Variants in SLC1A7 observed in about 807,000 individuals in gnomAD.
SLC1A7 encodes solute carrier family 1 member 7.
A neutral mutation model predicts 47.7 loss-of-function variants in SLC1A7; 40 were observed. That is an observed-to-expected ratio of 0.84 (90% CI 0.65 to 1.09). The LOEUF (loss-of-function observed/expected upper bound fraction) is 1.09, where lower values mean the gene tolerates loss of function less well. Among genes scored for constraint, SLC1A7 ranks in the 50% least tolerant of loss-of-function variants. The pLI, the probability that SLC1A7 is intolerant of heterozygous loss-of-function variation, is 0.00. For synonymous variants in SLC1A7, 323 were observed against 325.6 expected, an observed-to-expected ratio of 0.99 and a Z score of 0.09; for missense variants, 746 against 769.5, an observed-to-expected ratio of 0.97 and a Z score of 0.36.
At chr1:53,133,470 C>T (rs1306283993) in intron 2 of SLC1A7, among the ~76,000 whole-genome samples, 4 of 152,228 alleles carry the variant, frequency 2.6e-5, no homozygotes, top group Non-Finnish European at 4.4e-5. Context: ...TGGCTCACTG[C>T]TCAGCAGCAG....
Position 53,122,544 on chromosome 1 carries a change from A to G in SLC1A7, c.216-7571T>C, listed in dbSNP as rs540612320. On this transcript the variant is annotated intron_variant, in intron 2 of 10. Coordinates refer to ENST00000371494, the MANE Select transcript of SLC1A7 (RefSeq NM_006671.6). ...ACAGCTGACAGCCAGTGCCATGCCC[A>G]TTAGCGCCAGCTCCAAGTCATGCTT... is the stretch of plus-strand genomic sequence containing the variant. Among the ~76,000 whole-genome samples the G allele has an allele frequency of 4.6e-5, 7 of 152,286 alleles. No homozygotes were observed. The South Asian group carries it at 1.2e-3, about 27-fold the overall frequency.
rs1385868661 is a variant in SLC1A7, at chr1:53,087,384, A to T, written c.*625T>A. ...CCTATTCCATGGGAGGTTGGCCTGG[A>T]TGTGTCAAGGGGGCCTTTCAGCTCT... On this transcript the variant is annotated 3_prime_UTR_variant, in exon 11 of 11. Coordinates refer to ENST00000371494, the MANE Select transcript of SLC1A7 (RefSeq NM_006671.6). The T allele has an allele frequency of 6.6e-6, 1 of 152,162 alleles. No homozygotes were observed. Among genetic ancestry groups the T allele is most frequent in the African/African-American group, 2.4e-5 (1 of 41,446 alleles). 9.4% of individuals were successfully genotyped at this position (152,162 alleles called of 1,614,324 possible).
intron 3 of SLC1A7, among the ~76,000 whole-genome samples, chr1:53,110,425 G>T (rs937427210): frequency 2.6e-5 from 4 of 152,156 alleles, no homozygotes; most frequent in African/African-American, 9.7e-5. Flanking sequence ...CTTGCCTCTG[G>T]GTTGAGAGCG....
At position 53,098,651 on chromosome 1, in the gene SLC1A7, C is replaced by T. The variant is rs143761052; in HGVS notation, c.697+4695G>A. On this transcript the variant is annotated intron_variant, in intron 5 of 10. Transcript: ENST00000371494. ...CTCAGTACGTTCACACACACCACCT[C>T]GGTACACTCACTCTGCCTGAGTACA... Among the ~76,000 whole-genome samples the T allele has an allele frequency of 6.6e-5, 10 of 150,454 alleles. No individual in the cohort carries two copies. The East Asian group carries it at 8.0e-4, about 12-fold the overall frequency.
Position 53,095,427 on chromosome 1 carries a change from TGCCTTGGTACACTCACACACCCC to T in SLC1A7, c.698-1890_698-1868del, listed in dbSNP as rs1339880325. 9.3e-5 allele frequency among the ~76,000 whole-genome samples: 14 copies of T among 151,332 alleles called. No individual in the cohort carries two copies. The East Asian group carries it at 2.1e-3, about 23-fold the overall frequency. ...CCTGCCTTGGTACACTCACACACCC[TGCCTTGGTACACTCACACACCCC>T]GCCTTGGTACACTCACACACCTTGC... On this transcript the variant is annotated intron_variant, in intron 5 of 10. Coordinates refer to ENST00000371494, the MANE Select transcript of SLC1A7 (RefSeq NM_006671.6).
intron 1 of SLC1A7, among the ~76,000 whole-genome samples, chr1:53,136,617 T>TAGAC (rs1422496982): frequency 7.5e-6 from 1 of 134,070 alleles, no homozygotes; most frequent in African/African-American, 2.8e-5. Flanking sequence ...ATATAATATA[T>TAGAC]ATAAACATAT....
At chr1:53,139,417 G>T (rs1645033737) in intron 1 of SLC1A7, among the ~76,000 whole-genome samples, 1 of 147,796 alleles carries the variant, frequency 6.8e-6, no homozygotes, top group Admixed American at 6.7e-5. Context: ...CCTCAGCATG[G>T]CCCTCTCCCC....
intron 3 of SLC1A7, among the ~76,000 whole-genome samples, chr1:53,109,643 A>G (rs1481650677): frequency 6.6e-6 from 1 of 151,990 alleles, no homozygotes; most frequent in Admixed American, 6.5e-5. Context: ...CCTGGTCATC[A>G]GTGTTTTTGT....
At chr1:53,139,462 C>CA (rs750600362) in intron 1 of SLC1A7, among the ~76,000 whole-genome samples, 53 of 152,232 alleles carry the variant, frequency 3.5e-4, no homozygotes, top group Non-Finnish European at 7.1e-4. Flanking sequence ...CCCTCAAGTC[C>CA]AGCTTCTCTG....
intron 3 of SLC1A7, among the ~76,000 whole-genome samples, chr1:53,107,593 G>A (rs1005819010): frequency 5.3e-5 from 8 of 152,212 alleles, no homozygotes. Flanking sequence ...AAGACAGATT[G>A]CAATACAAAT....
rs200606407 is a variant in SLC1A7 at position 53,089,864 on chromosome 1, C to T, written c.1297G>A (p.Val433Met). ...GTGGGCAGTCCCACGGAGGTGAGCA[C>T]GATGACCATGGTGACGAGGCCGGCC... ...PQAGLVTMVIVLTSVGLPTDD... is the reference protein window; with the variant it reads ...PQAGLVTMVIMLTSVGLPTDD... The change falls in exon 9 of 11, where the codon GTG becomes ATG. Residue 433 changes from valine (V) to methionine (M), a missense_variant. Physicochemically the swap from Val to Met is conservative, Grantham distance 21 (BLOSUM62 1). Coordinates refer to ENST00000371494, the MANE Select transcript of SLC1A7 (RefSeq NM_006671.6). 1.0e-4 allele frequency: 164 copies of T among 1,613,772 alleles called. No individual in the cohort carries two copies. The highest frequency in any genetic ancestry group is 6.6e-4 in the South Asian group (60 of 91,064).
chr1:53,134,684 C>G (rs1192112283), intron 1 of SLC1A7, among the ~76,000 whole-genome samples: 1 of 152,168 alleles, frequency 6.6e-6, no homozygotes, highest in East Asian at 1.9e-4. Context: ...TTGTATTTTT[C>G]TCATCTGTAA....
At chr1:53,125,432 G>A (rs1464531581) in intron 2 of SLC1A7, among the ~76,000 whole-genome samples, 1 of 152,146 alleles carries the variant, frequency 6.6e-6, no homozygotes, top group South Asian at 2.1e-4. Flanking sequence ...GGAAAACTGT[G>A]CCCATTTGCA....
At position 53,116,781 on chromosome 1, in the gene SLC1A7, G is replaced by A. The variant is rs111606089; in HGVS notation, c.216-1808C>T. ...GAGGTCACACAGGACAGCAGTGCCCGGCTGGGCCAGAACTCAGGGCCAGAC... is the reference window on the plus strand; with the variant it reads ...GAGGTCACACAGGACAGCAGTGCCCAGCTGGGCCAGAACTCAGGGCCAGAC... On this transcript the variant is annotated intron_variant, in intron 2 of 10. Transcript: ENST00000371494. 1.5e-4 allele frequency among the ~76,000 whole-genome samples: 23 copies of A among 152,346 alleles called. 2 individuals carry two copies. The highest frequency in any genetic ancestry group is 1.4e-3 in the Admixed American group (22 of 15,306).
At chr1:53,130,035 C>G (rs1350269559) in intron 2 of SLC1A7, among the ~76,000 whole-genome samples, 1 of 152,198 alleles carries the variant, frequency 6.6e-6, no homozygotes, top group Non-Finnish European at 1.5e-5. Flanking sequence ...GATGTCACTA[C>G]TGGACTAAAA....
intron 3 of SLC1A7, among the ~76,000 whole-genome samples, chr1:53,106,785 G>A (rs778545098): frequency 8.6e-5 from 13 of 151,994 alleles, no homozygotes; most frequent in South Asian, 2.1e-4. Flanking sequence ...GCTGACCAAC[G>A]GTTTGGAAAA....
At chr1:53,126,856 T>C (rs1262888603) in intron 2 of SLC1A7, among the ~76,000 whole-genome samples, 1 of 82,496 alleles carries the variant, frequency 1.2e-5, no homozygotes, top group African/African-American at 5.1e-5. Flanking sequence ...GTTTGTAATT[T>C]GCTTATCTAA....
intron 2 of SLC1A7, among the ~76,000 whole-genome samples, chr1:53,122,326 G>A (rs1206428836): frequency 6.6e-6 from 1 of 152,202 alleles, no homozygotes; most frequent in Non-Finnish European, 1.5e-5. Flanking sequence ...CTGCAGCCAA[G>A]TCCTTGGGCT....
intron 3 of SLC1A7, among the ~76,000 whole-genome samples, chr1:53,106,823 T>TAA (rs1445595871): frequency 1.3e-5 from 2 of 152,012 alleles, no homozygotes; most frequent in African/African-American, 4.8e-5. Context: ...TACACCAAAA[T>TAA]AAATTCCAAA....
Sources: gnomAD v4.1 joint callset for allele counts (sites outside exome capture counted in the v4.1 genomes callset) on GRCh38, gnomAD v4.1.1 for gene constraint, MANE v1.5 for transcripts, NCBI Gene and HGNC (gene_info 2026-07-23, HGNC 2026-07-21) for gene names.